Variants in ZNF451 observed in about 807,000 individuals in gnomAD.
ZNF451 encodes E3 SUMO-protein ligase ZNF451.
ZNF451 carries 80 observed loss-of-function variants against 107.1 expected under a neutral mutation model. The observed-to-expected ratio is 0.75, with a 90% confidence interval of 0.62 to 0.90. ZNF451 has a LOEUF of 0.90. ZNF451 is among the 40% of genes least tolerant of loss of function. The probability of loss-of-function intolerance (pLI) is 0.00; values close to 1 mark genes in which losing one functional copy is unlikely to be tolerated. For synonymous variants in ZNF451, 362 were observed against 406.5 expected (o/e 0.89, Z 1.32); for missense variants, 1,107 against 1,236.2 (o/e 0.90, Z 1.57).
intron 3 of ZNF451, chr6:57,104,124 C>T: frequency 6.1e-6 from 6 of 984,768 alleles, no homozygotes; most frequent in Non-Finnish European, 7.2e-6. Context: ...TTTATTTCCA[C>T]TTCTGTAGAA....
At chr6:57,104,099 T>A (rs1474132354) in intron 3 of ZNF451, 2 of 984,522 alleles carry the variant, frequency 2.0e-6, no homozygotes, top group Non-Finnish European at 2.4e-6. Flanking sequence ...TATTTTTCTG[T>A]ATTTTACTCA....
intron 8 of ZNF451, 60 bp from the exon 9 acceptor site, chr6:57,141,888 A>G (rs1831781376): frequency 6.9e-7 from 1 of 1,447,390 alleles, no homozygotes; most frequent in Non-Finnish European, 9.5e-7. Context: ...TGAGGGGAGG[A>G]AGGTTGGGTT....
intron 3 of ZNF451, chr6:57,102,936 G>C (rs1383468248): frequency 1.0e-6 from 1 of 985,318 alleles, no homozygotes; most frequent in East Asian, 1.1e-4. Context: ...TCAAGCTCTC[G>C]TATCAAGCTG....
At chr6:57,094,857 G>A (rs1374473056) in intron 2 of ZNF451, among the ~76,000 whole-genome samples, 1 of 152,160 alleles carries the variant, frequency 6.6e-6, no homozygotes, top group Non-Finnish European at 1.5e-5. Context: ...TGCCTGTACA[G>A]CCAGTTGTGT....
intron 13 of ZNF451, 38 bp from the exon 14 acceptor site, chr6:57,161,046 A>C: frequency 7.4e-7 from 1 of 1,345,582 alleles, no homozygotes; most frequent in Non-Finnish European, 1.0e-6. Context: ...ACATAAATTT[A>C]TGGCACAATA....
chr6:57,114,856 TA>T (rs1351174097), intron 3 of ZNF451: 1 of 152,058 alleles, frequency 6.6e-6, no homozygotes, highest in Non-Finnish European at 1.5e-5. Flanking sequence ...AAAATAAATG[TA>T]AAAAAGAAAA....
chr6:57,107,984 G>A (rs1829945915), intron 3 of ZNF451: 5 of 466,362 alleles, frequency 1.1e-5, no homozygotes, highest in African/African-American at 2.1e-5. Flanking sequence ...GACTACAGGC[G>A]CCCGCCACCA....
intron 3 of ZNF451, among the ~76,000 whole-genome samples, chr6:57,117,913 C>G (rs970815062): frequency 6.6e-6 from 1 of 152,098 alleles, no homozygotes; most frequent in African/African-American, 2.4e-5. Context: ...TTAGGATTAC[C>G]TAAATTTATC....
intron 5 of ZNF451, 115 bp from the exon 6 acceptor site, chr6:57,132,927 A>G: frequency 1.0e-6 from 1 of 994,560 alleles, no homozygotes; most frequent in Non-Finnish European, 1.5e-6. Flanking sequence ...TATAATTAGC[A>G]TCATCCAGTT....
At chr6:57,109,891 A>C (rs1321974875) in intron 3 of ZNF451, among the ~76,000 whole-genome samples, 1 of 152,176 alleles carries the variant, frequency 6.6e-6, no homozygotes, top group African/African-American at 2.4e-5. Context: ...CTTTTTCAGT[A>C]CCTGCTATGT....
At chr6:57,099,011 T>G in intron 2 of ZNF451, 50 bp from the exon 3 acceptor site, 2 of 1,462,866 alleles carry the variant, frequency 1.4e-6, no homozygotes, top group Non-Finnish European at 1.9e-6. Context: ...AAATGCTAAT[T>G]TGGTTTGAAT....
At position 57,147,890 on chromosome 6, in the gene ZNF451, C is replaced by G. The variant is rs199784598; in HGVS notation, c.1805C>G (p.Pro602Arg). 5.6e-6 allele frequency: 9 copies of G among 1,614,060 alleles called. No individual in the cohort carries two copies. The South Asian group carries it at 7.7e-5, about 14-fold the overall frequency. ...GATCATTCCCCGGCAAATAGTTCTCCGAGGGGTAAATGGCAATGCCGGATT... is the reference window on the plus strand; with the variant it reads ...GATCATTCCCCGGCAAATAGTTCTCGGAGGGGTAAATGGCAATGCCGGATT... The part of the protein sequence containing the change: ...VIDHSPANSS[P>R]RGKWQCRICE... The change falls in exon 10 of 15, where the codon CCG becomes CGG. Residue 602 changes from proline (P) to arginine (R), a missense_variant. Pro to Arg is a moderately radical substitution (Grantham distance 103, BLOSUM62 -2). Coordinates refer to ENST00000370706, the MANE Select transcript of ZNF451 (RefSeq NM_001031623.3).
At position 57,090,264 on chromosome 6, in the gene ZNF451, C is replaced by T. The variant is rs773881121; in HGVS notation, c.11C>T (p.Pro4Leu). 1.7e-5 allele frequency: 28 copies of T among 1,611,180 alleles called. No individual in the cohort carries two copies. Among genetic ancestry groups the T allele is most frequent in the Non-Finnish European group, 2.2e-5 (26 of 1,179,470 alleles). MGDPGSEIIESVPP... is the reference protein window; with the variant it reads MGDLGSEIIESVPP... ...GCGGCCGTCGGAGACATGGGAGACCCGGGGTCGGAGGTGAGTAGTCGAGTG... is the reference window on the plus strand; with the variant it reads ...GCGGCCGTCGGAGACATGGGAGACCTGGGGTCGGAGGTGAGTAGTCGAGTG... The change falls in exon 1 of 15, where the codon CCG becomes CTG. Residue 4 changes from proline to leucine, a missense_variant. Around this residue, in one of 5 missense-constraint regions of ZNF451, gnomAD observed 339 missense variants for 372.8 expected, o/e 0.91. Coordinates refer to ENST00000370706, the MANE Select transcript of ZNF451 (RefSeq NM_001031623.3).
Position 57,133,208 on chromosome 6 carries a change from A to AT in ZNF451, c.575+17dup. The AT allele has an allele frequency of 6.2e-7, 1 of 1,606,660 alleles. No homozygotes were observed. On this transcript the variant is annotated intron_variant, in intron 6 of 14. Coordinates refer to ENST00000370706, the MANE Select transcript of ZNF451 (RefSeq NM_001031623.3). ...ATTTGAAAAGGTAAGTAGGATATTCATAATAGTGAATGCTGAAGATCTAGT... is the reference window on the plus strand; with the variant it reads ...ATTTGAAAAGGTAAGTAGGATATTCATTAATAGTGAATGCTGAAGATCTAGT...
At chr6:57,107,094 A>C (rs1829896797) in intron 3 of ZNF451, 4 of 985,106 alleles carry the variant, frequency 4.1e-6, no homozygotes, top group Non-Finnish European at 4.8e-6. Flanking sequence ...CATTGAGATA[A>C]CTTATTACTG....
chr6:57,136,688 C>A (rs1831445530), intron 7 of ZNF451, among the ~76,000 whole-genome samples: 1 of 152,110 alleles, frequency 6.6e-6, no homozygotes, highest in African/African-American at 2.4e-5. Context: ...ACATGTTTCC[C>A]TATTCATATA....
chr6:57,140,199 G>T (rs1174374258), intron 7 of ZNF451, among the ~76,000 whole-genome samples: 1 of 152,006 alleles, frequency 6.6e-6, no homozygotes, highest in African/African-American at 2.4e-5. Context: ...ATTCACATAA[G>T]AACACATCTG....
At chr6:57,095,326 CTTT>C (rs764972958) in intron 2 of ZNF451, among the ~76,000 whole-genome samples, 8 of 107,778 alleles carry the variant, frequency 7.4e-5, no homozygotes, top group Middle Eastern at 4.9e-3. Context: ...TTCTGTGATA[CTTT>C]TTTTTTTTTT....
chr6:57,142,370 T>C lies in ZNF451; in HGVS notation c.1004+275T>C, dbSNP rs571392013. Among the ~76,000 whole-genome samples the C allele has an allele frequency of 7.9e-5, 12 of 152,354 alleles. 1 individual carries two copies. Among genetic ancestry groups the C allele is most frequent in the Admixed American group, 5.9e-4 (9 of 15,302 alleles). On this transcript the variant is annotated intron_variant, in intron 9 of 14. Transcript: ENST00000370706. ...AAGTATGAGTAGGAGAGGAAAGGGTTAAAGTAGAACCTTGGCTTTAAGTCA... is the reference window on the plus strand; with the variant it reads ...AAGTATGAGTAGGAGAGGAAAGGGTCAAAGTAGAACCTTGGCTTTAAGTCA...
Sources: gnomAD v4.1 joint callset for allele counts (sites outside exome capture counted in the v4.1 genomes callset) on GRCh38, gnomAD v4.1.1 for gene constraint, gnomAD v4.1.1 regional missense constraint, MANE v1.5 for transcripts, NCBI Gene and HGNC (gene_info 2026-07-23, HGNC 2026-07-21) for gene names.